MPDZ: variants seen among roughly 807,000 people sequenced by gnomAD.
MPDZ encodes the protein multiple PDZ domain protein.
A neutral mutation model predicts 239.1 loss-of-function variants in MPDZ; 234 were observed. That is an observed-to-expected ratio of 0.98 (90% CI 0.88 to 1.09). The LOEUF (loss-of-function observed/expected upper bound fraction) is 1.09. Ranked by LOEUF, MPDZ falls within the 50% of genes least tolerant of loss-of-function variation. The pLI is 0.00. For synonymous variants in MPDZ, 1,048 were observed against 881.3 expected (o/e 1.19, Z -3.35); for missense variants, 3,175 against 2,510.0 (o/e 1.26, Z -5.66).
At chr9:13,247,593 A>G (rs989529334) in intron 3 of MPDZ, 42 bp downstream of exon 3, 4 of 1,577,046 alleles carry the variant, frequency 2.5e-6, no homozygotes, top group African/African-American at 1.3e-5. Context: ...CACAAGATCT[A>G]TGCCATGTCG....
intron 1 of MPDZ, among the ~76,000 whole-genome samples, chr9:13,259,460 T>C (rs949477094): frequency 6.6e-6 from 1 of 152,170 alleles, no homozygotes; most frequent in Non-Finnish European, 1.5e-5. Context: ...TGTTGTCTAG[T>C]AGCAGCATTG....
chr9:13,176,130 T>C lies in MPDZ; in HGVS notation c.2931+6A>G. The C allele has an allele frequency of 1.3e-6, 2 of 1,575,980 alleles. No individual in the cohort carries two copies. The highest frequency in any genetic ancestry group is 1.7e-6 in the Non-Finnish European group (2 of 1,159,488). ...TAAAACACAAACCATATCTTTAAAA[T>C]ATTACCTTTCCAGCTGAATCGGGTA... On this transcript the variant is annotated splice_donor_region_variant and intron_variant, in intron 20 of 46. Transcript: ENST00000319217.
intron 1 of MPDZ, among the ~76,000 whole-genome samples, chr9:13,258,377 TACG>T (rs1329695314): frequency 6.6e-6 from 1 of 152,228 alleles, no homozygotes; most frequent in Non-Finnish European, 1.5e-5. Flanking sequence ...GAAAAAGGAA[TACG>T]ACATTAAAAG....
At chr9:13,109,154 T>C (rs2131008566) in intron 45 of MPDZ, 95 bp from the exon 46 acceptor site, 1 of 1,008,500 alleles carries the variant, frequency 9.9e-7, no homozygotes, top group Middle Eastern at 3.7e-4. Context: ...AGAGCTAGCA[T>C]AATTCTCTTT....
rs1320247810 is a variant in MPDZ at position 13,158,005 on chromosome 9, A to C, written c.3452+13T>G. The stretch of plus-strand genomic sequence containing the variant: ...TATCCATTGGGTGGACAGAAGACAG[A>C]AATAGTCCTTACCGCCTGGGCTGAT... On this transcript the variant is annotated intron_variant, in intron 24 of 46. Transcript: ENST00000319217. 3.1e-6 allele frequency: 5 copies of C among 1,609,260 alleles called. No homozygotes were observed. The Admixed American group carries it at 8.4e-5, about 27-fold the overall frequency.
chr9:13,143,628 A>G, intron 26 of MPDZ, 64 bp from the exon 27 acceptor site: 1 of 1,300,212 alleles, frequency 7.7e-7, no homozygotes, highest in Non-Finnish European at 1.1e-6. Flanking sequence ...TCAGTTTTAA[A>G]AGCAAAGTAC....
At chr9:13,211,871 T>G (rs1957663006) in intron 10 of MPDZ, among the ~76,000 whole-genome samples, 3 of 152,116 alleles carry the variant, frequency 2.0e-5, no homozygotes, top group African/African-American at 7.2e-5. Flanking sequence ...GTGGCTATTA[T>G]GAGTGGTTTC....
intron 41 of MPDZ, 116 bp downstream of exon 41, chr9:13,113,815 C>A: frequency 2.6e-6 from 2 of 782,520 alleles, no homozygotes; most frequent in Non-Finnish European, 2.1e-6. Context: ...GTTTTTGTAC[C>A]TATATTTGGA....
chr9:13,266,843 AAGG>A (rs1368219402), intron 1 of MPDZ, among the ~76,000 whole-genome samples: 2 of 152,192 alleles, frequency 1.3e-5, no homozygotes, highest in Non-Finnish European at 2.9e-5. Flanking sequence ...AGAGAAAGAG[AAGG>A]AGGAGGAAGG....
rs536334271 is a variant in MPDZ at position 13,200,847 on chromosome 9, A to C, written c.1546+4189T>G. On this transcript the variant is annotated intron_variant, in intron 12 of 46. Transcript: ENST00000319217. ...TGACCTAATATATGGTCTAGCCTGG[A>C]GTATGTTCCATATGTTGTTGAAAAA... 3.9e-5 allele frequency among the ~76,000 whole-genome samples: 6 copies of C among 152,072 alleles called. No homozygotes were observed. The East Asian group carries it at 1.2e-3, about 29-fold the overall frequency.
intron 3 of MPDZ, among the ~76,000 whole-genome samples, chr9:13,246,601 T>C (rs1423420035): frequency 6.6e-6 from 1 of 152,240 alleles, no homozygotes; most frequent in Non-Finnish European, 1.5e-5. Context: ...TCTTCTTGAC[T>C]TAACTTTTTT....
intron 23 of MPDZ, among the ~76,000 whole-genome samples, chr9:13,161,296 A>G (rs978673741): frequency 2.0e-5 from 3 of 152,080 alleles, no homozygotes; most frequent in African/African-American, 7.2e-5. Context: ...TCGACCAGGC[A>G]TGGCGGCTCA....
At chr9:13,251,587 G>A (rs1046232075) in intron 1 of MPDZ, among the ~76,000 whole-genome samples, 1 of 152,146 alleles carries the variant, frequency 6.6e-6, no homozygotes, top group Non-Finnish European at 1.5e-5. Context: ...ACCACCACAC[G>A]TTCTCATTTT....
intron 3 of MPDZ, among the ~76,000 whole-genome samples, chr9:13,225,959 C>T (rs1960439537): frequency 6.6e-6 from 1 of 152,036 alleles, no homozygotes; most frequent in Admixed American, 6.6e-5. Flanking sequence ...AGATCATAAC[C>T]ATGAGTTTAA....
chr9:13,136,431 A>G (rs562804529), intron 30 of MPDZ, among the ~76,000 whole-genome samples: 22 of 143,890 alleles, frequency 1.5e-4, no homozygotes, highest in African/African-American at 5.3e-4. Flanking sequence ...TCCCAGGTTC[A>G]AGTGATTCTC....
chr9:13,126,243 A>T (rs1945094156), intron 34 of MPDZ, among the ~76,000 whole-genome samples: 1 of 152,248 alleles, frequency 6.6e-6, no homozygotes, highest in Non-Finnish European at 1.5e-5. Context: ...GTCACTGTTA[A>T]GGAGTTTAAA....
At chr9:13,222,519 A>G (rs2136310939) in intron 5 of MPDZ, 73 bp from the exon 6 acceptor site, 1 of 1,174,198 alleles carries the variant, frequency 8.5e-7, no homozygotes, top group Non-Finnish European at 1.3e-6. Context: ...TTTGGCATGT[A>G]TGTTCAAGTC....
At chr9:13,274,237 A>G (rs1973657949) in intron 1 of MPDZ, among the ~76,000 whole-genome samples, 1 of 151,496 alleles carries the variant, frequency 6.6e-6, no homozygotes. Flanking sequence ...CATAAGCAAC[A>G]ACATTAAGTT....
chr9:13,114,753 A>G (rs1943104307), intron 40 of MPDZ, among the ~76,000 whole-genome samples: 1 of 152,040 alleles, frequency 6.6e-6, no homozygotes, highest in South Asian at 2.1e-4. Flanking sequence ...TACAAAAATT[A>G]GCCAGGCATG....
Sources: gnomAD v4.1 joint callset for allele counts (sites outside exome capture counted in the v4.1 genomes callset) on GRCh38, gnomAD v4.1.1 for gene constraint, MANE v1.5 for transcripts, NCBI Gene and HGNC (gene_info 2026-07-23, HGNC 2026-07-21) for gene names.